PLCB1: variants seen among roughly 807,000 people sequenced by gnomAD.
PLCB1 encodes phospholipase C beta 1.
A neutral mutation model predicts 161.8 loss-of-function variants in PLCB1; 46 were observed. The ratio of observed to expected loss-of-function variants is 0.28; its 90% CI spans 0.22 to 0.36. The LOEUF (loss-of-function observed/expected upper bound fraction) is 0.36, where lower values mean the gene tolerates loss of function less well. Ranked by LOEUF, PLCB1 falls within the 10% of genes least tolerant of loss-of-function variation. The pLI, the probability that PLCB1 is intolerant of heterozygous loss-of-function variation, is 1.00. For synonymous variants in PLCB1, 517 were observed against 503.7 expected, an observed-to-expected ratio of 1.03 and a Z score of -0.35; for missense variants, 1,016 against 1,472.5, an observed-to-expected ratio of 0.69 and a Z score of 5.07.
Position 8,525,060 on chromosome 20 carries a change from A to T in PLCB1, c.247-103234A>T, listed in dbSNP as rs187638659. ...ATTTTATATATGTAAAATAATTTTT[A>T]AAATCATGATTAATAGCCTATATCC... On this transcript the variant is annotated intron_variant, in intron 3 of 31. Transcript: ENST00000338037. Among the ~76,000 whole-genome samples, 225 of 152,292 alleles carry T rather than the reference A, an allele frequency of 1.5e-3. 1 individual carries two copies. The highest frequency in any genetic ancestry group is 5.2e-3 in the African/African-American group (215 of 41,584).
At chr20:8,807,841 T>G (rs1444641383) in intron 31 of PLCB1, among the ~76,000 whole-genome samples, 1 of 152,162 alleles carries the variant, frequency 6.6e-6, no homozygotes, top group African/African-American at 2.4e-5. Context: ...ACTGTTTATA[T>G]TTAAATATAA....
chr20:8,406,371 G>T (rs978744052), intron 3 of PLCB1, among the ~76,000 whole-genome samples: 2 of 152,180 alleles, frequency 1.3e-5, no homozygotes, highest in Non-Finnish European at 1.5e-5. Context: ...GGAAGAACAT[G>T]CAGGTAATGT....
intron 3 of PLCB1, among the ~76,000 whole-genome samples, chr20:8,450,028 T>C (rs1330351694): frequency 6.6e-6 from 1 of 152,232 alleles, no homozygotes; most frequent in Admixed American, 6.5e-5. Context: ...ATTTGTTCTT[T>C]GGAATTCAAT....
intron 3 of PLCB1, among the ~76,000 whole-genome samples, chr20:8,533,890 TG>T (rs1299129079): frequency 6.6e-6 from 1 of 152,242 alleles, no homozygotes; most frequent in Non-Finnish European, 1.5e-5. Context: ...TTGTCAATTT[TG>T]TCTTTTGTTG....
intron 1 of PLCB1, among the ~76,000 whole-genome samples, chr20:8,147,928 A>C (rs1405627490): frequency 7.0e-6 from 1 of 143,168 alleles, no homozygotes; most frequent in Non-Finnish European, 1.5e-5. Context: ...GCTGGAGTGC[A>C]GTGGTGCGAT....
At chr20:8,155,138 G>A (rs906897043) in intron 2 of PLCB1, among the ~76,000 whole-genome samples, 1 of 152,166 alleles carries the variant, frequency 6.6e-6, no homozygotes, top group Non-Finnish European at 1.5e-5. Context: ...TTTAATGCCT[G>A]TGGACTGCTG....
At chr20:8,312,004 C>CCAAGCAGCAA (rs1984422608) in intron 2 of PLCB1, among the ~76,000 whole-genome samples, 1 of 152,184 alleles carries the variant, frequency 6.6e-6, no homozygotes, top group South Asian at 2.1e-4. Context: ...TGCTCAACCT[C>CCAAGCAGCAA]TAAGTCCATG....
intron 3 of PLCB1, among the ~76,000 whole-genome samples, chr20:8,468,779 T>A (rs1409372073): frequency 6.6e-6 from 1 of 152,204 alleles, no homozygotes; most frequent in Non-Finnish European, 1.5e-5. Flanking sequence ...ATACATTATC[T>A]AATTTAATTA....
chr20:8,767,283 A>C (rs1378691013), intron 26 of PLCB1, among the ~76,000 whole-genome samples: 1 of 152,112 alleles, frequency 6.6e-6, no homozygotes, highest in African/African-American at 2.4e-5. Context: ...ACGAGCTCCT[A>C]AGGTTTGCTG....
intron 3 of PLCB1, among the ~76,000 whole-genome samples, chr20:8,503,466 G>A (rs1983511215): frequency 1.3e-5 from 2 of 151,896 alleles, no homozygotes; most frequent in African/African-American, 4.8e-5. Context: ...TTACTTGCAG[G>A]GTTAGGAGAC....
At chr20:8,438,132 T>C (rs1980392778) in intron 3 of PLCB1, among the ~76,000 whole-genome samples, 1 of 152,234 alleles carries the variant, frequency 6.6e-6, no homozygotes, top group African/African-American at 2.4e-5. Flanking sequence ...TAAATGTTTA[T>C]TTTTGCTAGT....
At chr20:8,828,787 T>C (rs1430085333) in intron 31 of PLCB1, among the ~76,000 whole-genome samples, 1 of 152,204 alleles carries the variant, frequency 6.6e-6, no homozygotes, top group Non-Finnish European at 1.5e-5. Context: ...TTCCCTGATG[T>C]ATGTATAAGT....
At chr20:8,774,784 C>G (rs551845567) in intron 27 of PLCB1, 65 bp downstream of exon 27, 2 of 1,397,216 alleles carry the variant, frequency 1.4e-6, no homozygotes, top group African/African-American at 2.9e-5. Flanking sequence ...ACTTTGGATA[C>G]TTTTGGATAA....
chr20:8,144,245 C>A (rs1401658196), intron 1 of PLCB1, among the ~76,000 whole-genome samples: 1 of 152,154 alleles, frequency 6.6e-6, no homozygotes, highest in African/African-American at 2.4e-5. Flanking sequence ...CTATATGTTA[C>A]TGAAATTATT....
rs545801803 is a variant in PLCB1, at chr20:8,204,473, T to C, written c.177+54102T>C. Among the ~76,000 whole-genome samples, 14 of 152,198 alleles carry C rather than the reference T, an allele frequency of 9.2e-5. No homozygotes were observed. In the East Asian group the frequency reaches 2.3e-3, roughly 25 times the overall value. ...TCCTGGGCTCCAATCTCGGGTTGAA[T>C]TGTAATCCCCAGTGCTGGAGATGGG... On this transcript the variant is annotated intron_variant, in intron 2 of 31. Transcript: ENST00000338037.
chr20:8,152,843 G>A (rs2051523202), intron 2 of PLCB1, among the ~76,000 whole-genome samples: 1 of 152,152 alleles, frequency 6.6e-6, no homozygotes, highest in South Asian at 2.1e-4. Context: ...GCTCAGAGGT[G>A]AGCAGAAATC....
At chr20:8,685,203 CTG>C in intron 10 of PLCB1, 125 bp downstream of exon 10, 1 of 892,662 alleles carries the variant, frequency 1.1e-6, no homozygotes, top group Non-Finnish European at 1.8e-6. Flanking sequence ...TCTGAGAACT[CTG>C]GGGTTCCACC....
intron 31 of PLCB1, among the ~76,000 whole-genome samples, chr20:8,862,643 A>C (rs986625671): frequency 4.6e-5 from 7 of 152,196 alleles, no homozygotes; most frequent in Admixed American, 2.6e-4. Context: ...TTACTGGGTA[A>C]TTTATGATAG....
chr20:8,544,229 G>T (rs1434083225), intron 3 of PLCB1, among the ~76,000 whole-genome samples: 1 of 152,170 alleles, frequency 6.6e-6, no homozygotes, highest in Non-Finnish European at 1.5e-5. Context: ...AAGAGTATCA[G>T]TTGAAACCAA....
Sources: gnomAD v4.1 joint callset for allele counts (sites outside exome capture counted in the v4.1 genomes callset) on GRCh38, gnomAD v4.1.1 for gene constraint, MANE v1.5 for transcripts, NCBI Gene and HGNC (gene_info 2026-07-23, HGNC 2026-07-21) for gene names.